SPDYA: variants seen among roughly 807,000 people sequenced by gnomAD.
The protein encoded by SPDYA is speedy protein A.
A neutral mutation model predicts 36.7 loss-of-function variants in SPDYA; 11 were observed. The ratio of observed to expected loss-of-function variants is 0.30; its 90% confidence interval spans 0.19 to 0.50. SPDYA has a LOEUF of 0.50. Among genes scored for constraint, SPDYA ranks in the 20% least tolerant of loss-of-function variants. The pLI is 0.98. For missense variants in SPDYA, 287 were observed against 370.9 expected, an observed-to-expected ratio of 0.77 and a Z score of 1.86; for synonymous variants, 115 against 118.7, an observed-to-expected ratio of 0.97 and a Z score of 0.20.
At chr2:28,831,813 C>T (rs184610047) in intron 6 of SPDYA, among the ~76,000 whole-genome samples, 22 of 152,238 alleles carry the variant, frequency 1.4e-4, no homozygotes, top group Admixed American at 1.2e-3. Context: ...TACCTACATG[C>T]GTACCCCTAT....
In SPDYA at chr2:28,836,072, A is replaced by C. The variant is rs202173072; in HGVS notation, c.553-4100A>C. On this transcript the variant is annotated intron_variant, in intron 6 of 7. Coordinates refer to ENST00000334056, the MANE Select transcript of SPDYA (RefSeq NM_182756.4). Reference sequence around the variant, plus strand: ...AGATAGTAGCTACAAACTAGCTTATAATAATAATACTTTACATTTGCACAG... The same window carrying C: ...AGATAGTAGCTACAAACTAGCTTATCATAATAATACTTTACATTTGCACAG... Among the ~76,000 whole-genome samples the C allele has an allele frequency of 5.3e-5, 8 of 152,360 alleles. No individual in the cohort carries two copies. In the East Asian group the frequency reaches 1.5e-3, roughly 29 times the overall value.
chr2:28,833,143 A>C (rs1319356291), intron 6 of SPDYA, among the ~76,000 whole-genome samples: 1 of 152,116 alleles, frequency 6.6e-6, no homozygotes, highest in Non-Finnish European at 1.5e-5. Flanking sequence ...GCTATAATCT[A>C]TTCTTCATAC....
At chr2:28,831,113 T>C (rs1333726442) in intron 6 of SPDYA, among the ~76,000 whole-genome samples, 1 of 152,158 alleles carries the variant, frequency 6.6e-6, no homozygotes, top group African/African-American at 2.4e-5. Context: ...CCCAGCACTT[T>C]TGGAGGCTAA....
chr2:28,821,292 C>T (rs781444342), intron 4 of SPDYA, among the ~76,000 whole-genome samples: 10 of 148,418 alleles, frequency 6.7e-5, no homozygotes, highest in Admixed American at 2.1e-4. Flanking sequence ...CTCCGCCTCC[C>T]GGGTTCAAGC....
chr2:28,816,052 C>T lies in SPDYA; in HGVS notation c.38C>T (p.Thr13Ile), dbSNP rs1397848878. Residue 13 changes from threonine to isoleucine, a missense_variant, in exon 3 of 8, where the codon ACT becomes ATT. Physicochemically the swap from Thr to Ile is moderately conservative, Grantham distance 89 (BLOSUM62 -1). Transcript: ENST00000334056. The stretch of plus-strand genomic sequence containing the variant: ...CAGATGTGTTGTGAGACACCACCTA[C>T]TGTCACTGTTTATGTAAAATCAGGG... ...HNQMCCETPP[T>I]VTVYVKSGSN... 1.2e-6 allele frequency: 2 copies of T among 1,613,720 alleles called. No individual in the cohort carries two copies. The highest frequency in any genetic ancestry group is 2.7e-5 in the African/African-American group (2 of 74,904).
intron 7 of SPDYA, among the ~76,000 whole-genome samples, chr2:28,849,466 A>G (rs1014865182): frequency 7.2e-5 from 11 of 152,144 alleles, no homozygotes; most frequent in African/African-American, 2.7e-4. Context: ...TAATTTTTGT[A>G]TTTTTAGTAG....
chr2:28,833,549 C>T (rs1668523992), intron 6 of SPDYA, among the ~76,000 whole-genome samples: 1 of 152,102 alleles, frequency 6.6e-6, no homozygotes, highest in Non-Finnish European at 1.5e-5. Context: ...ATAGAAGTGT[C>T]CAGAAATATA....
At chr2:28,829,393 G>T in intron 6 of SPDYA, 74 bp downstream of exon 6, 1 of 1,400,932 alleles carries the variant, frequency 7.1e-7, no homozygotes, top group Non-Finnish European at 9.6e-7. Flanking sequence ...TTTTTAATGT[G>T]CTTCTAATGT....
chr2:28,816,760 T>C (rs1667992462), intron 3 of SPDYA, among the ~76,000 whole-genome samples: 1 of 152,180 alleles, frequency 6.6e-6, no homozygotes, highest in East Asian at 1.9e-4. Context: ...GAGTTTGAAT[T>C]TGTTTAGGTT....
Position 28,840,449 on chromosome 2 carries a change from A to T in SPDYA, c.830A>T (p.Gln277Leu). ...ATGGACATAATAGGTGATCCTTCTC[A>T]AGCTTATACTGGTTCTGAAGGTATG... is the stretch of plus-strand genomic sequence containing the variant. ...LSMDIIGDPS[Q>L]AYTGSEVVND... The change falls in exon 7 of 8, where the codon CAA becomes CTA. Residue 277 changes from glutamine (Q) to leucine (L), a missense_variant. Gln to Leu is a moderately radical substitution (Grantham distance 113). Coordinates refer to ENST00000334056, the MANE Select transcript of SPDYA (RefSeq NM_182756.4). The T allele has an allele frequency of 6.2e-7, 1 of 1,613,814 alleles. No homozygotes were observed. Among genetic ancestry groups the T allele is most frequent in the Non-Finnish European group, 8.5e-7 (1 of 1,179,918 alleles).
chr2:28,823,744 T>A (rs1186814571), intron 5 of SPDYA, among the ~76,000 whole-genome samples: 2 of 85,424 alleles, frequency 2.3e-5, no homozygotes, highest in South Asian at 9.2e-4. Flanking sequence ...TATATATATA[T>A]AAAATTTTTT....
At chr2:28,836,331 C>A (rs1668600755) in intron 6 of SPDYA, among the ~76,000 whole-genome samples, 1 of 152,122 alleles carries the variant, frequency 6.6e-6, no homozygotes, top group African/African-American at 2.4e-5. Flanking sequence ...GCATTTATTT[C>A]TTGTCTTGGG....
chr2:28,829,214 A>G lies in SPDYA; in HGVS notation c.447A>G (p.Leu149=), dbSNP rs368734795. 1.9e-6 allele frequency: 3 copies of G among 1,613,940 alleles called. No individual in the cohort carries two copies. In the African/African-American group the frequency reaches 4.0e-5, roughly 22 times the overall value. Residue 149 remains leucine (L), a synonymous_variant, in exon 6 of 8, where the codon TTA becomes TTG. Coordinates refer to ENST00000334056, the MANE Select transcript of SPDYA (RefSeq NM_182756.4). The part of the protein sequence containing the change: ...ETKYEIFPWA[L]GKNWRKLFPN... ...AGTACGAAATTTTTCCATGGGCTTT[A>G]GGGAAAAACTGGAGAAAATTGTTCC...
chr2:28,846,107 A>T (rs13032575), intron 7 of SPDYA, among the ~76,000 whole-genome samples: 2 of 151,968 alleles, frequency 1.3e-5, no homozygotes, highest in African/African-American at 4.8e-5. Context: ...AACAGATAAA[A>T]CAATACATGA....
intron 2 of SPDYA, among the ~76,000 whole-genome samples, chr2:28,815,224 G>A (rs978235254): frequency 2.6e-5 from 4 of 151,494 alleles, no homozygotes; most frequent in African/African-American, 9.7e-5. Flanking sequence ...CGAGGCTGCA[G>A]TGAGCCGTAA....
intron 3 of SPDYA, among the ~76,000 whole-genome samples, chr2:28,818,035 T>C (rs1186479637): frequency 6.7e-6 from 1 of 148,472 alleles, no homozygotes; most frequent in African/African-American, 2.5e-5. Flanking sequence ...GGCATGGTGG[T>C]GCATACCTGT....
chr2:28,825,737 G>A (rs77615560), intron 5 of SPDYA, among the ~76,000 whole-genome samples: 89 of 151,878 alleles, frequency 5.9e-4, no homozygotes, highest in Middle Eastern at 3.4e-3. Context: ...ACATATAGGA[G>A]GTTCTTAATT....
chr2:28,846,941 G>A (rs528006132), intron 7 of SPDYA, among the ~76,000 whole-genome samples: 1 of 152,212 alleles, frequency 6.6e-6, no homozygotes, highest in African/African-American at 2.4e-5. Context: ...GTAGACAATT[G>A]GGGATTGACA....
rs750534576 is a variant in SPDYA at position 28,850,419 on chromosome 2, AT to A, written c.*479del. On this transcript the variant is annotated 3_prime_UTR_variant, in exon 8 of 8. Coordinates refer to ENST00000334056, the MANE Select transcript of SPDYA (RefSeq NM_182756.4). The stretch of plus-strand genomic sequence containing the variant: ...AATGCGATTCTTCTGTTGTAAAAAA[AT>A]ATATGTACTATAAGCTACATAAAAT... 11 of 1,533,290 alleles carry A rather than the reference AT, an allele frequency of 7.2e-6. No homozygotes were observed. The highest frequency in any genetic ancestry group is 6.9e-5 in the African/African-American group (5 of 72,946). The allele number at this position is 1,533,290 out of a possible 1,614,324, so 95.0% of individuals were successfully genotyped here. A position where few individuals can be genotyped will look rare whatever the true frequency, so the allele number is the denominator to read the frequency against.
Sources: allele counts gnomAD v4.1 joint callset (sites outside exome capture counted in the v4.1 genomes callset), GRCh38; gene constraint gnomAD v4.1.1; transcripts MANE v1.5; gene names NCBI Gene and HGNC (gene_info 2026-07-23, HGNC 2026-07-21).